BCLAF3: variants seen among roughly 807,000 people sequenced by gnomAD.
BCLAF3 encodes transient octamer binding factor 1.
BCLAF3 carries 24 observed loss-of-function variants against 51.2 expected under a neutral mutation model. That is an observed-to-expected ratio of 0.47 (90% CI 0.34 to 0.66). BCLAF3 has a LOEUF of 0.66. Among genes scored for constraint, BCLAF3 ranks in the 30% least tolerant of loss-of-function variants. The probability of loss-of-function intolerance (pLI) is 0.01; values close to 1 mark genes in which losing one functional copy is unlikely to be tolerated. For synonymous variants in BCLAF3, 152 were observed against 176.6 expected (o/e 0.86, Z 1.10); for missense variants, 465 against 525.1 (o/e 0.89, Z 1.12).
intron 1 of BCLAF3, among the ~76,000 whole-genome samples, chrX:19,973,779 G>A (rs1655725864): frequency 8.9e-6 from 1 of 111,921 alleles, no homozygotes; most frequent in Non-Finnish European, 1.9e-5. Context: ...TATTTCAATA[G>A]GCAAAAGACT....
chrX:19,964,924 T>G, intron 4 of BCLAF3, 120 bp downstream of exon 4: 1 of 591,248 alleles, frequency 1.7e-6, no homozygotes, highest in Non-Finnish European at 2.4e-6. Context: ...GGGGGGAAAA[T>G]TCTTGGCAAT....
At chrX:19,965,019 C>A (rs1309728037) in intron 4 of BCLAF3, 25 bp downstream of exon 4, 1 of 1,073,523 alleles carries the variant, frequency 9.3e-7, no homozygotes, top group Non-Finnish European at 1.2e-6. Flanking sequence ...TATTAAATAT[C>A]ATAAAGAAAA....
At chrX:19,931,410 C>CCTGAACCTTTTTTAAGATT (rs1284674738) in intron 10 of BCLAF3, among the ~76,000 whole-genome samples, 1 of 111,915 alleles carries the variant, frequency 8.9e-6, no homozygotes, top group Non-Finnish European at 1.9e-5. Flanking sequence ...TAGATGGAGT[C>CCTGAACCTTTTTTAAGATT]TATCTCTGCC....
intron 8 of BCLAF3, among the ~76,000 whole-genome samples, chrX:19,945,625 G>T (rs2071249757): frequency 1.3e-5 from 1 of 77,719 alleles, no homozygotes; most frequent in Non-Finnish European, 2.1e-5. Context: ...GAGGCAGTCT[G>T]CCTGTTCTCA....
At chrX:19,929,661 A>G in intron 11 of BCLAF3, 124 bp downstream of exon 11, 1 of 640,392 alleles carries the variant, frequency 1.6e-6, no homozygotes, top group South Asian at 3.3e-5. Context: ...TCATGCAACA[A>G]GAACATTTAA....
chrX:19,950,975 T>TCATCCTTGTAC (rs747074615), intron 7 of BCLAF3, 107 bp from the exon 8 acceptor site: 21 of 462,290 alleles, frequency 4.5e-5, no homozygotes, highest in Non-Finnish European at 4.9e-5. Flanking sequence ...TACCTTGTAC[T>TCATCCTTGTAC]CATCCTGCTA....
chrX:19,941,713 C>G (rs1008527168), intron 8 of BCLAF3, among the ~76,000 whole-genome samples: 2 of 107,696 alleles, frequency 1.9e-5, no homozygotes, highest in Non-Finnish European at 3.8e-5. Context: ...TGTGATGCCT[C>G]CAGCTTTGTT....
chrX:19,926,539 T>C (rs927243373), intron 11 of BCLAF3, among the ~76,000 whole-genome samples: 2 of 111,138 alleles, frequency 1.8e-5, no homozygotes, highest in East Asian at 2.8e-4. Flanking sequence ...CCAAGATATA[T>C]AGAAACTATA....
At chrX:19,965,017 A>G in intron 4 of BCLAF3, 27 bp downstream of exon 4, 2 of 1,066,011 alleles carry the variant, frequency 1.9e-6, no homozygotes, top group Non-Finnish European at 2.5e-6. Flanking sequence ...ATTATTAAAT[A>G]TCATAAAGAA....
In BCLAF3 at chrX:19,981,781, T is replaced by TTAA. The variant is rs1271066034; in HGVS notation, c.-35+9126_-35+9127insTTA. 2.6e-4 allele frequency among the ~76,000 whole-genome samples: 29 copies of TTAA among 111,614 alleles called. No individual in the cohort carries two copies. The Admixed American group carries it at 2.8e-3, about 11-fold the overall frequency. ...AAAGAAGCCAGTCACAAAAGACCACTATTATATGATTCCCTTTATATGAAA... is the reference window on the plus strand; with the variant it reads ...AAAGAAGCCAGTCACAAAAGACCACTTAAATTATATGATTCCCTTTATATGAAA... On this transcript the variant is annotated intron_variant, in intron 1 of 11. Transcript: ENST00000379682.
chrX:19,960,177 C>T (rs1291782182), intron 4 of BCLAF3, among the ~76,000 whole-genome samples: 1 of 110,716 alleles, frequency 9.0e-6, no homozygotes, highest in Non-Finnish European at 1.9e-5. Context: ...TTAACTTAGA[C>T]CAATTTGAAT....
At chrX:19,939,010 G>A (rs1405020055) in intron 8 of BCLAF3, among the ~76,000 whole-genome samples, 3 of 112,087 alleles carry the variant, frequency 2.7e-5, no homozygotes, top group Non-Finnish European at 5.6e-5. Flanking sequence ...GATTCGTTTT[G>A]TGGCCCCAGC....
intron 1 of BCLAF3, among the ~76,000 whole-genome samples, chrX:19,981,754 C>T (rs1379498827): frequency 1.8e-5 from 2 of 111,538 alleles, no homozygotes; most frequent in African/African-American, 3.3e-5. Flanking sequence ...TCATGCTAAG[C>T]GAAAGAAGCC....
chrX:19,958,955 GCATT>G (rs768447426), intron 4 of BCLAF3, among the ~76,000 whole-genome samples: 1 of 112,240 alleles, frequency 8.9e-6, no homozygotes, highest in Non-Finnish European at 1.9e-5. Context: ...GCCCCAACAT[GCATT>G]CAGTCTACTT....
At chrX:19,930,005 A>C (rs924334110) in intron 10 of BCLAF3, 65 bp from the exon 11 acceptor site, 8 of 1,094,905 alleles carry the variant, frequency 7.3e-6, no homozygotes, top group Middle Eastern at 5.2e-4. Flanking sequence ...TTATTAGTAA[A>C]CAGATGAGTG....
rs757993494 is a variant in BCLAF3 at position 19,937,435 on chromosome X, T to C, written c.1843A>G (p.Ile615Val). The C allele has an allele frequency of 3.5e-6, 4 of 1,145,070 alleles. No individual in the cohort carries two copies. The highest frequency in any genetic ancestry group is 4.8e-6 in the Non-Finnish European group (4 of 839,180). The allele number at this position is 1,145,070 out of a possible 1,213,427, so 94.4% of individuals were successfully genotyped here. Residue 615 changes from isoleucine to valine, a missense_variant, in exon 9 of 12, where the codon ATT becomes GTT. Ile to Val is a conservative substitution (Grantham distance 29). Transcript: ENST00000379682. ...AATCTTACCATGTAAGGTTTTTCAA[T>C]ACATTTTCTAAAATTTGATTTTATA... ...HFIKSNFRKC[I>V]EKPYMNYTTQ...
At chrX:19,955,232 T>C (rs1004200344) in intron 5 of BCLAF3, among the ~76,000 whole-genome samples, 159 bp downstream of exon 5, 1 of 112,276 alleles carries the variant, frequency 8.9e-6, no homozygotes, top group Non-Finnish European at 1.9e-5. Context: ...TAGGCTCGAA[T>C]GAATGCCTGA....
chrX:19,981,782 A>T (rs1466131441), intron 1 of BCLAF3, among the ~76,000 whole-genome samples: 2 of 111,610 alleles, frequency 1.8e-5, no homozygotes, highest in East Asian at 5.6e-4. Context: ...AAAGACCACT[A>T]TTATATGATT....
intron 2 of BCLAF3, among the ~76,000 whole-genome samples, chrX:19,967,828 TC>T (rs1569508524): frequency 1.8e-5 from 2 of 112,351 alleles, no homozygotes; most frequent in Non-Finnish European, 3.8e-5. Flanking sequence ...AGGAGGCAGA[TC>T]TACCTTCCTC....
Sources: gnomAD v4.1 joint callset for allele counts (sites outside exome capture counted in the v4.1 genomes callset) on GRCh38, gnomAD v4.1.1 for gene constraint, MANE v1.5 for transcripts, NCBI Gene and HGNC (gene_info 2026-07-23, HGNC 2026-07-21) for gene names.